Variants in ALK observed in about 807,000 individuals in gnomAD.
ALK encodes ALK receptor tyrosine kinase.
Under a neutral mutation model 163.1 loss-of-function variants are expected in ALK, and 74 were observed. The ratio of observed to expected loss-of-function variants is 0.45; its 90% CI spans 0.38 to 0.55. ALK has a LOEUF of 0.55. ALK is among the 20% of genes least tolerant of loss of function. The probability of loss-of-function intolerance (pLI) is 0.00; values close to 1 mark genes in which losing one functional copy is unlikely to be tolerated. For missense variants in ALK, 2,063 were observed against 2,105.3 expected (o/e 0.98, Z 0.39); for synonymous variants, 960 against 843.2 (o/e 1.14, Z -2.40).
Position 29,275,487 on chromosome 2 carries a change from C to T in ALK, c.1827G>A (p.Leu609=), listed in dbSNP as rs140284088. 6.8e-6 allele frequency: 11 copies of T among 1,614,020 alleles called. No homozygotes were observed. Among genetic ancestry groups the T allele is most frequent in the African/African-American group, 4.0e-5 (3 of 74,920 alleles). The change falls in exon 10 of 29, where the codon CTG becomes CTA. Residue 609 remains leucine (L), a synonymous_variant. Transcript: ENST00000389048. ...PLLDVSDRFW[L]QMVAWWGQGS... ...CTTGTCCCCACCATGCGACCATCTG[C>T]AGCCAGAACCTGTACACATCAAGAG...
chr2:29,343,877 C>A (rs985656395), intron 5 of ALK, among the ~76,000 whole-genome samples: 1 of 152,184 alleles, frequency 6.6e-6, no homozygotes, highest in African/African-American at 2.4e-5. Flanking sequence ...TTTTACAAGT[C>A]TTTCTCAAAC....
At chr2:29,480,477 CTT>C (rs1050142316) in intron 4 of ALK, among the ~76,000 whole-genome samples, 1 of 152,128 alleles carries the variant, frequency 6.6e-6, no homozygotes, top group African/African-American at 2.4e-5. Context: ...AGGTGTGAAT[CTT>C]TTCAGAGTTT....
In ALK at chr2:29,736,460, G is replaced by A. The variant is rs191648398; in HGVS notation, c.668-18763C>T. Among the ~76,000 whole-genome samples the A allele has an allele frequency of 5.3e-3, 809 of 151,936 alleles. 11 individuals are homozygous for A. Among genetic ancestry groups the A allele is most frequent in the African/African-American group, 0.018 (753 of 41,392 alleles). On this transcript the variant is annotated intron_variant, in intron 1 of 28. Transcript: ENST00000389048. Reference sequence around the variant, plus strand: ...AATTACCCTTATTTTCATTTTGACAGTGTATTTTAAAATTTGACAAAGTAA... The same window carrying A: ...AATTACCCTTATTTTCATTTTGACAATGTATTTTAAAATTTGACAAAGTAA...
intron 4 of ALK, among the ~76,000 whole-genome samples, chr2:29,403,938 T>G (rs1669515473): frequency 6.6e-6 from 1 of 151,902 alleles, no homozygotes; most frequent in Non-Finnish European, 1.5e-5. Context: ...TATTGACTCC[T>G]GAAGTAAACA....
intron 1 of ALK, among the ~76,000 whole-genome samples, chr2:29,822,756 C>G (rs910340825): frequency 1.3e-5 from 2 of 152,218 alleles, no homozygotes; most frequent in Non-Finnish European, 2.9e-5. Context: ...ATTAGGAGAG[C>G]TGGATTATAG....
rs549604533 is a variant in ALK at position 29,532,825 on chromosome 2, T to C, written c.953-709A>G. 1.5e-3 allele frequency among the ~76,000 whole-genome samples: 233 copies of C among 152,354 alleles called. 1 individual carries two copies. Among genetic ancestry groups the C allele is most frequent in the African/African-American group, 5.0e-3 (206 of 41,592 alleles). On this transcript the variant is annotated intron_variant, in intron 3 of 28. Coordinates refer to ENST00000389048, the MANE Select transcript of ALK (RefSeq NM_004304.5). ...TACATTAATTTTACTTGCTCACTTC[T>C]GCTTTGAAGTTTTGGGCCATTAGAT...
At chr2:29,413,203 A>G (rs1226593234) in intron 4 of ALK, among the ~76,000 whole-genome samples, 1 of 152,270 alleles carries the variant, frequency 6.6e-6, no homozygotes, top group Non-Finnish European at 1.5e-5. Context: ...AAACGACACC[A>G]TCAAGAGACA....
intron 3 of ALK, among the ~76,000 whole-genome samples, chr2:29,667,887 T>A (rs1677566524): frequency 6.6e-6 from 1 of 152,134 alleles, no homozygotes; most frequent in Non-Finnish European, 1.5e-5. Flanking sequence ...AAATGTTTGT[T>A]ACACAACAGC....
At chr2:29,307,676 T>C (rs1666563555) in intron 8 of ALK, among the ~76,000 whole-genome samples, 1 of 152,244 alleles carries the variant, frequency 6.6e-6, no homozygotes, top group African/African-American at 2.4e-5. Context: ...GTTCACCATC[T>C]TCTAGTTCAC....
In ALK at chr2:29,193,138, GTC is replaced by G. The variant is rs1316238695; in HGVS notation, c.*84_*85del. 5.7e-6 allele frequency: 8 copies of G among 1,402,666 alleles called. No homozygotes were observed. Among genetic ancestry groups the G allele is most frequent in the African/African-American group, 2.9e-5 (2 of 69,954 alleles). The allele number at this position is 1,402,666 out of a possible 1,614,324, so 86.9% of individuals were successfully genotyped here. A position where few individuals can be genotyped will look rare whatever the true frequency, so the allele number is the denominator to read the frequency against. On this transcript the variant is annotated 3_prime_UTR_variant, in exon 29 of 29. Coordinates refer to ENST00000389048, the MANE Select transcript of ALK (RefSeq NM_004304.5). ...GGCACAAAACAAAACGTGACATTTG[GTC>G]TCTGGTTTGTGAAGGAGCCATTGCC... is the stretch of plus-strand genomic sequence containing the variant.
At chr2:29,291,874 A>G (rs1666033468) in intron 9 of ALK, among the ~76,000 whole-genome samples, 1 of 152,254 alleles carries the variant, frequency 6.6e-6, no homozygotes, top group Non-Finnish European at 1.5e-5. Context: ...CATCACAGAA[A>G]GATGCTACAC....
intron 25 of ALK, among the ~76,000 whole-genome samples, chr2:29,208,451 A>G (rs530545569): frequency 6.6e-6 from 1 of 152,278 alleles, no homozygotes; most frequent in East Asian, 1.9e-4. Context: ...ATTTGAAATG[A>G]GAGGCAGTCC....
intron 4 of ALK, among the ~76,000 whole-genome samples, chr2:29,406,450 C>T (rs2148318932): frequency 6.6e-6 from 1 of 152,302 alleles, no homozygotes; most frequent in Non-Finnish European, 1.5e-5. Flanking sequence ...TCCAAGTTTG[C>T]CTTCAGTAAA....
At chr2:29,864,924 T>C (rs71444441) in intron 1 of ALK, among the ~76,000 whole-genome samples, 2 of 152,122 alleles carry the variant, frequency 1.3e-5, no homozygotes, top group Non-Finnish European at 2.9e-5. Flanking sequence ...CCTCCCACCC[T>C]CTCCCCTGAA....
rs896754916 is a variant in ALK at position 29,335,630 on chromosome 2, T to G, written c.1283-7149A>C. ...TCCTCTCCCATGACTCAGATTAAATTGTCTTCTAGGAGAGGCTCCCTGACT... is the reference window on the plus strand; with the variant it reads ...TCCTCTCCCATGACTCAGATTAAATGGTCTTCTAGGAGAGGCTCCCTGACT... On this transcript the variant is annotated intron_variant, in intron 5 of 28. Transcript: ENST00000389048. Among the ~76,000 whole-genome samples, 6 of 152,132 alleles carry G rather than the reference T, an allele frequency of 3.9e-5. No homozygotes were observed. In the South Asian group the frequency reaches 6.2e-4, roughly 16 times the overall value.
intron 3 of ALK, among the ~76,000 whole-genome samples, chr2:29,629,823 A>G (rs1676306170): frequency 1.3e-5 from 2 of 152,208 alleles, no homozygotes; most frequent in African/African-American, 4.8e-5. Flanking sequence ...ACACTGAGGC[A>G]GGTGATAGAT....
At chr2:29,728,034 G>A (rs1276020729) in intron 1 of ALK, among the ~76,000 whole-genome samples, 1 of 152,170 alleles carries the variant, frequency 6.6e-6, no homozygotes, top group Non-Finnish European at 1.5e-5. Context: ...CACAGGAGAA[G>A]GTAGCAAAGA....
intron 3 of ALK, among the ~76,000 whole-genome samples, chr2:29,641,322 G>A (rs1676694361): frequency 6.6e-6 from 1 of 151,996 alleles, no homozygotes; most frequent in Non-Finnish European, 1.5e-5. Context: ...CAGGAGGTGG[G>A]GGCGGCAAGA....
intron 1 of ALK, among the ~76,000 whole-genome samples, chr2:29,781,429 C>A (rs1681328821): frequency 6.6e-6 from 1 of 152,144 alleles, no homozygotes; most frequent in African/African-American, 2.4e-5. Flanking sequence ...CTTGCATGGG[C>A]CTTGCATGTC....
Sources: gnomAD v4.1 joint callset for allele counts (sites outside exome capture counted in the v4.1 genomes callset) on GRCh38, gnomAD v4.1.1 for gene constraint, MANE v1.5 for transcripts, NCBI Gene and HGNC (gene_info 2026-07-23, HGNC 2026-07-21) for gene names.